ZNF462: variants seen among roughly 807,000 people sequenced by gnomAD.
ZNF462 encodes the protein zinc finger protein 462, also known as zinc finger PBX1-interacting protein.
In ZNF462, 10 loss-of-function variants were observed where a neutral mutation model predicts 201.9. The ratio of observed to expected loss-of-function variants is 0.05; its 90% CI spans 0.03 to 0.08. ZNF462 has a LOEUF of 0.08. ZNF462 is among the 10% of genes least tolerant of loss of function. The pLI is 1.00. For missense variants in ZNF462, 2,523 were observed against 3,168.3 expected (o/e 0.80, Z 4.89); for synonymous variants, 1,227 against 1,193.3 (o/e 1.03, Z -0.58).
Position 106,972,366 on chromosome 9 carries a change from T to C in ZNF462, c.6695+94T>C, listed in dbSNP as rs1355293960. On this transcript the variant is annotated intron_variant, in intron 8 of 12. Coordinates refer to ENST00000277225, the MANE Select transcript of ZNF462 (RefSeq NM_021224.6). This position sits in a 1 kb window ranked among gnomAD's most constrained non-coding sequence, Gnocchi z 4.8. The stretch of plus-strand genomic sequence containing the variant: ...TCCCTTACACTTTCCTACTTGGAGC[T>C]TATGGGAGGCCCTGCCCATGTGATG... 5.3e-6 allele frequency: 8 copies of C among 1,509,462 alleles called. No homozygotes were observed. The African/African-American group carries it at 8.4e-5, about 16-fold the overall frequency. The allele number at this position is 1,509,462 out of a possible 1,614,324, so 93.5% of individuals were successfully genotyped here.
chr9:106,878,506 T>C (rs1436711852), intron 1 of ZNF462, among the ~76,000 whole-genome samples: 1 of 152,240 alleles, frequency 6.6e-6, no homozygotes, highest in Admixed American at 6.5e-5. Context: ...ATTCATTCAT[T>C]GAACACTTAC....
intron 1 of ZNF462, among the ~76,000 whole-genome samples, chr9:106,879,699 G>T (rs1306790568): frequency 6.6e-6 from 1 of 152,132 alleles, no homozygotes. Flanking sequence ...CCTGCAGAAT[G>T]GTTCCAGTGA....
At chr9:106,992,868 T>C (rs1402746018) in intron 10 of ZNF462, among the ~76,000 whole-genome samples, 1 of 152,066 alleles carries the variant, frequency 6.6e-6, no homozygotes, top group Non-Finnish European at 1.5e-5. Flanking sequence ...GATGCAAGTT[T>C]CCCATAACCC....
chr9:106,925,355 C>T lies in ZNF462; in HGVS notation c.1443C>T (p.Ser481=). The T allele has an allele frequency of 6.2e-7, 1 of 1,614,216 alleles. No individual in the cohort carries two copies. Among genetic ancestry groups the T allele is most frequent in the South Asian group, 1.1e-5 (1 of 91,084 alleles). The part of the protein sequence containing the change: ...KCDECPFTCK[S]SLKLGAHKQC... ...ACGAATGTCCGTTTACTTGCAAGAG[C>T]TCGTTGAAACTTGGGGCTCACAAAC... Residue 481 remains serine, a synonymous_variant, in exon 3 of 13, where the codon AGC becomes AGT. Transcript: ENST00000277225. This position sits in a 1 kb window ranked among gnomAD's most constrained non-coding sequence, Gnocchi z 7.9.
In ZNF462 at chr9:106,985,604, A is replaced by G. The variant is rs527952251; in HGVS notation, c.7056+1195A>G. Among the ~76,000 whole-genome samples, 3 of 152,340 alleles carry G rather than the reference A, an allele frequency of 2.0e-5. No individual in the cohort carries two copies. In the East Asian group the frequency reaches 5.8e-4, roughly 29 times the overall value. On this transcript the variant is annotated intron_variant, in intron 10 of 12. Transcript: ENST00000277225. Reference sequence around the variant, plus strand: ...TGCTTTTTAATTAGCCAACAAGTCCAAAATATCTATTGAGTATTTACTGAA... The same window carrying G: ...TGCTTTTTAATTAGCCAACAAGTCCGAAATATCTATTGAGTATTTACTGAA...
chr9:106,862,582 C>T (rs902788691), upstream of ZNF462, among the ~76,000 whole-genome samples: 8 of 151,936 alleles, frequency 5.3e-5, no homozygotes, highest in African/African-American at 1.2e-4. This position sits in a 1 kb window ranked among gnomAD's most constrained non-coding sequence, Gnocchi z 4.2. Flanking sequence ...CTCTTCCTCC[C>T]CCTCCTCCAC....
intron 10 of ZNF462, among the ~76,000 whole-genome samples, chr9:106,998,361 C>T (rs1021460649): frequency 5.9e-5 from 9 of 152,186 alleles, no homozygotes. Flanking sequence ...TTCTATCAGA[C>T]TGGGTTTGCT....
At chr9:106,997,951 A>G (rs1828866806) in intron 10 of ZNF462, among the ~76,000 whole-genome samples, 1 of 147,708 alleles carries the variant, frequency 6.8e-6, no homozygotes, top group Non-Finnish European at 1.5e-5. Context: ...AGCCATGGTC[A>G]TCCATTGACT....
chr9:106,875,530 G>A (rs1449983542), intron 1 of ZNF462, among the ~76,000 whole-genome samples: 1 of 152,174 alleles, frequency 6.6e-6, no homozygotes, highest in Non-Finnish European at 1.5e-5. Flanking sequence ...TAAGATTTGA[G>A]GGAACTGTTA....
chr9:106,989,499 C>CT (rs1285017419), intron 10 of ZNF462, among the ~76,000 whole-genome samples: 6 of 152,092 alleles, frequency 3.9e-5, no homozygotes, highest in Admixed American at 1.3e-4. Flanking sequence ...CTGTAGTTTT[C>CT]TTTTTTGGTT....
At position 106,939,058 on chromosome 9, in the gene ZNF462, C is replaced by G. The variant is rs370407936; in HGVS notation, c.6378C>G (p.His2126Gln). ...TCAGTCTCCTCTCCTCACACTCCCA[C>G]CACTCCTCCCAAAAAGCTACCCCGG... The part of the protein sequence containing the change: ...RIVSLLSSHS[H>Q]HSSQKATPAE... The change falls in exon 7 of 13, where the codon CAC (histidine) becomes CAG (glutamine). Residue 2126 changes from histidine (H) to glutamine (Q), a missense_variant. Around this residue, in one of 15 missense-constraint regions of ZNF462, gnomAD observed 138 missense variants for 146.3 expected, o/e 0.94. Coordinates refer to ENST00000277225, the MANE Select transcript of ZNF462 (RefSeq NM_021224.6). 1.3e-5 allele frequency: 21 copies of G among 1,612,822 alleles called. No homozygotes were observed. In the African/African-American group the frequency reaches 2.4e-4, roughly 18 times the overall value.
At chr9:106,949,968 G>C (rs1831268633) in intron 7 of ZNF462, among the ~76,000 whole-genome samples, 1 of 152,120 alleles carries the variant, frequency 6.6e-6, no homozygotes, top group South Asian at 2.1e-4. Context: ...TGACCACTGT[G>C]GGTGGATCTC....
Position 106,924,297 on chromosome 9 carries a change from A to G in ZNF462, c.385A>G (p.Lys129Glu). 1 of 1,614,140 alleles carries G rather than the reference A, an allele frequency of 6.2e-7. No individual in the cohort carries two copies. Among genetic ancestry groups the G allele is most frequent in the Non-Finnish European group, 8.5e-7 (1 of 1,180,020 alleles). ...SKNLLIEHTR[K>E]VHGAQAEGSS... is the part of the protein sequence containing the mutation. ...AAACCTCCTCATAGAACACACTAGA[A>G]AGGTCCATGGAGCTCAAGCTGAAGG... Residue 129 changes from lysine to glutamate, a missense_variant, in exon 3 of 13, where the codon AAG becomes GAG. By Grantham distance (56) the Lys-to-Glu change is moderately conservative. This residue lies in a region of ZNF462 where 480 missense variants were observed against 544.4 expected (regional missense o/e 0.88). Coordinates refer to ENST00000277225, the MANE Select transcript of ZNF462 (RefSeq NM_021224.6). The surrounding 1 kb of genome is among the most constrained non-coding windows in gnomAD (Gnocchi z 6.2).
rs773917122 is a variant in ZNF462, at chr9:106,864,039, GCT to G, written c.-31+754_-31+755del. ...AGCCCCCCTCTTCCTCAGGTATTTG[GCT>G]CTCTCTCTCTCTCTCTCTCTCTCTC... On this transcript the variant is annotated intron_variant, in intron 1 of 12. Coordinates refer to ENST00000277225, the MANE Select transcript of ZNF462 (RefSeq NM_021224.6). 5.8e-3 allele frequency among the ~76,000 whole-genome samples: 131 copies of G among 22,752 alleles called. 3 individuals carry two copies. Among genetic ancestry groups the G allele is most frequent in the Admixed American group, 8.7e-3 (15 of 1,716 alleles). The allele number at this position is 22,752 out of a possible 152,430, so 14.9% of individuals were successfully genotyped here. A position where few individuals can be genotyped will look rare whatever the true frequency, so the allele number is the denominator to read the frequency against.
Position 106,926,875 on chromosome 9 carries a change from T to C in ZNF462, c.2963T>C (p.Met988Thr), listed in dbSNP as rs758921954. Residue 988 changes from methionine to threonine, a missense_variant, in exon 3 of 13, where the codon ATG becomes ACG. Transcript: ENST00000277225. This position sits in a 1 kb window ranked among gnomAD's most constrained non-coding sequence, Gnocchi z 7.9. Reference protein sequence around the residue: ...REILNSAPKNMATSTPVARGG... With the variant: ...REILNSAPKNTATSTPVARGG... Reference sequence around the variant, plus strand: ...ATTCTGAATTCGGCTCCCAAGAACATGGCGACTTCCACACCTGTGGCTCGT... The same window carrying C: ...ATTCTGAATTCGGCTCCCAAGAACACGGCGACTTCCACACCTGTGGCTCGT... 1.8e-4 allele frequency: 295 copies of C among 1,614,020 alleles called. No homozygotes were observed. The highest frequency in any genetic ancestry group is 2.5e-4 in the Non-Finnish European group (291 of 1,180,030).
chr9:106,861,483 C>A (rs577137683), upstream of ZNF462, among the ~76,000 whole-genome samples: 2 of 152,318 alleles, frequency 1.3e-5, no homozygotes, highest in Admixed American at 1.3e-4. Flanking sequence ...AGGAATCCAG[C>A]AACATCCCCA....
chr9:106,912,819 A>G (rs960219590), intron 1 of ZNF462, among the ~76,000 whole-genome samples: 5 of 152,206 alleles, frequency 3.3e-5, no homozygotes, highest in African/African-American at 1.2e-4. Context: ...GACTTAAGGA[A>G]GGCACAAATA....
chr9:106,896,292 G>A (rs957265078), intron 1 of ZNF462, among the ~76,000 whole-genome samples: 10 of 152,150 alleles, frequency 6.6e-5, no homozygotes, highest in African/African-American at 2.4e-4. Flanking sequence ...GCTGGCATGT[G>A]GCAGCTGGTC....
chr9:106,921,824 T>C lies in ZNF462; in HGVS notation c.-30-1530T>C, dbSNP rs16925943. 5.6e-3 allele frequency among the ~76,000 whole-genome samples: 849 copies of C among 152,292 alleles called. 14 individuals carry two copies. Among genetic ancestry groups the C allele is most frequent in the African/African-American group, 0.019 (784 of 41,556 alleles). On this transcript the variant is annotated intron_variant, in intron 1 of 12. Transcript: ENST00000277225. ...CTGATAGCAACCTCTTCCACACAATTTGGGTTGGTGCTTAGACATAAAAGC... is the reference window on the plus strand; with the variant it reads ...CTGATAGCAACCTCTTCCACACAATCTGGGTTGGTGCTTAGACATAAAAGC...
Sources: gnomAD v4.1 joint callset for allele counts (sites outside exome capture counted in the v4.1 genomes callset) on GRCh38, gnomAD v4.1.1 for gene constraint, gnomAD v4.1.1 regional missense constraint, Gnocchi (gnomAD v3.1) non-coding constraint, MANE v1.5 for transcripts, NCBI Gene and HGNC (gene_info 2026-07-23, HGNC 2026-07-21) for gene names.